Variants in GEMIN6 observed in about 807,000 individuals in gnomAD.
GEMIN6 encodes gem-associated protein 6.
A neutral mutation model predicts 14.1 loss-of-function variants in GEMIN6; 13 were observed. The observed-to-expected ratio is 0.92, with a 90% confidence interval of 0.60 to 1.46. The LOEUF is 1.46. GEMIN6 is among the 40% of genes most tolerant of loss of function. The probability of loss-of-function intolerance (pLI) is 0.00; values close to 1 mark genes in which losing one functional copy is unlikely to be tolerated. For synonymous variants in GEMIN6, 87 were observed against 70.0 expected, an observed-to-expected ratio of 1.24 and a Z score of -1.21; for missense variants, 271 against 202.4, an observed-to-expected ratio of 1.34 and a Z score of -2.06.
At chr2:38,779,311 A>G (rs1437427153) in intron 2 of GEMIN6, 193 bp downstream of exon 2, 2 of 571,122 alleles carry the variant, frequency 3.5e-6, no homozygotes, top group East Asian at 7.9e-5. Context: ...GCTCTTTGTA[A>G]CCTCCACCTC....
chr2:38,780,579 C>G (rs1669057730), intron 2 of GEMIN6, among the ~76,000 whole-genome samples: 1 of 150,904 alleles, frequency 6.6e-6, no homozygotes, highest in African/African-American at 2.4e-5. Flanking sequence ...ACCTTGCAAT[C>G]CACCCACCTG....
intron 2 of GEMIN6, 114 bp from the exon 3 acceptor site, chr2:38,781,403 A>G (rs914292780): frequency 4.6e-6 from 5 of 1,086,196 alleles, no homozygotes; most frequent in Non-Finnish European, 6.7e-6. Flanking sequence ...TTTGTTGAAT[A>G]AATGGAAGCA....
chr2:38,780,310 A>G (rs1205361435), intron 2 of GEMIN6, among the ~76,000 whole-genome samples: 1 of 148,606 alleles, frequency 6.7e-6, no homozygotes, highest in Non-Finnish European at 1.5e-5. Flanking sequence ...ACAGAGCAAG[A>G]CTCCGTCTCA....
At position 38,784,603 on chromosome 2, in the gene GEMIN6, G is replaced by A. The variant is rs1669162922; in HGVS notation, c.*2711G>A. The A allele has an allele frequency of 6.6e-6, 1 of 151,886 alleles. No individual in the cohort carries two copies. The highest frequency in any genetic ancestry group is 2.4e-5 in the African/African-American group (1 of 41,338). 9.4% of individuals were successfully genotyped at this position (151,886 alleles called of 1,614,324 possible). A position where few individuals can be genotyped will look rare whatever the true frequency, so the allele number is the denominator to read the frequency against. On this transcript the variant is annotated 3_prime_UTR_variant, in exon 3 of 3. Coordinates refer to ENST00000281950, the MANE Select transcript of GEMIN6 (RefSeq NM_024775.10). ...GACTTGATCTTGGCTCAGGGACCAG[G>A]CCCGGTGCCTTGATATTGGTAGATT... is the stretch of plus-strand genomic sequence containing the variant.
At chr2:38,779,636 C>CTATATATATATATATATATATATA (rs1171290307) in intron 2 of GEMIN6, among the ~76,000 whole-genome samples, 8 of 36,076 alleles carry the variant, frequency 2.2e-4, no homozygotes, top group South Asian at 1.7e-3. Flanking sequence ...ATTATTCTTA[C>CTATATATATATATATATATATATA]TATATATATA....
At position 38,781,638 on chromosome 2, in the gene GEMIN6, C is replaced by G. The variant is rs756591703; in HGVS notation, c.250C>G (p.His84Asp). 1.9e-5 allele frequency: 31 copies of G among 1,614,170 alleles called. No individual in the cohort carries two copies. Among genetic ancestry groups the G allele is most frequent in the Non-Finnish European group, 2.5e-5 (29 of 1,180,030 alleles). Residue 84 changes from histidine (H) to aspartate (D), a missense_variant, in exon 3 of 3, where the codon CAT becomes GAT. Physicochemically the swap from His to Asp is moderately conservative, Grantham distance 81. Transcript: ENST00000281950. ...CCATAGAGTGAGGGAGAAGCTGATG[C>G]ATTTGTTCACGTCTGGAGACTGCAA... ...GDHRVREKLMHLFTSGDCKAY... is the reference protein window; with the variant it reads ...GDHRVREKLMDLFTSGDCKAY...
chr2:38,778,628 ATT>A (rs1228789756), intron 1 of GEMIN6, among the ~76,000 whole-genome samples: 3 of 152,164 alleles, frequency 2.0e-5, no homozygotes, highest in African/African-American at 7.2e-5. Flanking sequence ...AGTGAAAGCG[ATT>A]TGGAATGTGG....
intron 2 of GEMIN6, among the ~76,000 whole-genome samples, chr2:38,779,664 ATTTTTTTTTT>A (rs1166903482): frequency 2.9e-4 from 6 of 20,776 alleles, no homozygotes; most frequent in African/African-American, 1.1e-3. Context: ...ATATATATAT[ATTTTTTTTTT>A]TTTTTTTTTT....
Position 38,781,545 on chromosome 2 carries a change from G to A in GEMIN6, c.157G>A (p.Gly53Ser). The change falls in exon 3 of 3, where the codon GGC becomes AGC. Residue 53 changes from glycine (G) to serine (S), a missense_variant. Transcript: ENST00000281950. The stretch of plus-strand genomic sequence containing the variant: ...TGTCCTTGTGAACTTCCTTGAAGAT[G>A]GCAGCATGTCTGTGACCGGAATTAT... Reference protein sequence around the residue: ...NIVLVNFLEDGSMSVTGIMGH... With the variant: ...NIVLVNFLEDSSMSVTGIMGH... The A allele has an allele frequency of 9.9e-6, 16 of 1,612,632 alleles. No individual in the cohort carries two copies. The highest frequency in any genetic ancestry group is 1.4e-5 in the Non-Finnish European group (16 of 1,179,116).
chr2:38,778,806 A>G (rs1669009505), intron 1 of GEMIN6, among the ~76,000 whole-genome samples, 166 bp from the exon 2 acceptor site: 2 of 152,224 alleles, frequency 1.3e-5, no homozygotes, highest in African/African-American at 4.8e-5. Context: ...CAACTATAGT[A>G]TCAGTTCCTA....
In GEMIN6 at chr2:38,782,745, C is replaced by T. The variant is rs62144837; in HGVS notation, c.*853C>T. 0.56 allele frequency: 83,166 copies of T among 147,706 alleles called. 24,566 individuals are homozygous for T. The highest frequency in any genetic ancestry group is 0.8 in the East Asian group (3,846 of 4,810). The allele number at this position is 147,706 out of a possible 1,614,324, so 9.1% of individuals were successfully genotyped here. A position where few individuals can be genotyped will look rare whatever the true frequency, so the allele number is the denominator to read the frequency against. The stretch of plus-strand genomic sequence containing the variant: ...CCGGGAGGCAGAGCTTGCAGTGAGC[C>T]GAGATCGCGCCACTGCACTCTAGCC... On this transcript the variant is annotated 3_prime_UTR_variant, in exon 3 of 3. Coordinates refer to ENST00000281950, the MANE Select transcript of GEMIN6 (RefSeq NM_024775.10).
At position 38,783,415 on chromosome 2, in the gene GEMIN6, C is replaced by T. The variant is rs1669133835; in HGVS notation, c.*1523C>T. The T allele has an allele frequency of 6.6e-6, 1 of 151,600 alleles. No homozygotes were observed. Among genetic ancestry groups the T allele is most frequent in the Non-Finnish European group, 1.5e-5 (1 of 68,016 alleles). 9.4% of individuals were successfully genotyped at this position (151,600 alleles called of 1,614,324 possible). ...TGTTGACCAGGCTGGTCTTGAACTC[C>T]TGACCTCATGATCTGCCTGCCGTGG... On this transcript the variant is annotated 3_prime_UTR_variant, in exon 3 of 3. Transcript: ENST00000281950.
intron 2 of GEMIN6, chr2:38,779,535 A>G (rs930769016): frequency 3.3e-5 from 6 of 181,310 alleles, no homozygotes; most frequent in Non-Finnish European, 7.1e-5. Flanking sequence ...CGGCCTACAT[A>G]TGAGAACTTA....
intron 2 of GEMIN6, 81 bp downstream of exon 2, chr2:38,779,199 T>A: frequency 7.4e-7 from 1 of 1,345,792 alleles, no homozygotes; most frequent in Non-Finnish European, 1.0e-6. Context: ...AGAAAGCAGA[T>A]AAATGAAAAG....
At position 38,783,176 on chromosome 2, in the gene GEMIN6, T is replaced by G. The variant is rs192328014; in HGVS notation, c.*1284T>G. 995 of 156,756 alleles carry G rather than the reference T, an allele frequency of 6.3e-3. 10 individuals carry two copies. Among genetic ancestry groups the G allele is most frequent in the African/African-American group, 0.023 (955 of 41,464 alleles). The allele number at this position is 156,756 out of a possible 1,614,324, so 9.7% of individuals were successfully genotyped here. On this transcript the variant is annotated 3_prime_UTR_variant, in exon 3 of 3. Transcript: ENST00000281950. ...TGAGCCACCGTGCCCGGCTGTTTTT[T>G]GTGGGTTTTTTGTTTGTTTGTTTGT... is the stretch of plus-strand genomic sequence containing the variant.
At position 38,781,620 on chromosome 2, in the gene GEMIN6, G is replaced by T; in HGVS notation, c.232G>T (p.Val78Leu). 1.9e-6 allele frequency: 3 copies of T among 1,614,252 alleles called. No individual in the cohort carries two copies. Among genetic ancestry groups the T allele is most frequent in the Non-Finnish European group, 2.5e-6 (3 of 1,180,046 alleles). ...AACTATGAATGAAGGGGACCATAGA[G>T]TGAGGGAGAAGCTGATGCATTTGTT... ...VETMNEGDHRVREKLMHLFTS... is the reference protein window; with the variant it reads ...VETMNEGDHRLREKLMHLFTS... Residue 78 changes from valine (V) to leucine (L), a missense_variant, in exon 3 of 3, where the codon GTG becomes TTG. Coordinates refer to ENST00000281950, the MANE Select transcript of GEMIN6 (RefSeq NM_024775.10).
rs13014136 is a variant in GEMIN6, at chr2:38,783,162, G to T, written c.*1270G>T. ...TGGGATTACAGGTGTGAGCCACCGT[G>T]CCCGGCTGTTTTTTGTGGGTTTTTT... On this transcript the variant is annotated 3_prime_UTR_variant, in exon 3 of 3. Transcript: ENST00000281950. 87,004 of 155,908 alleles carry T rather than the reference G, an allele frequency of 0.56. 25,745 individuals carry two copies. The highest frequency in any genetic ancestry group is 0.8 in the East Asian group (4,243 of 5,290). The allele number at this position is 155,908 out of a possible 1,614,324, so 9.7% of individuals were successfully genotyped here.
In GEMIN6 at chr2:38,779,636, C is replaced by CTA. The variant is rs1171290307; in HGVS notation, c.128+546_128+547dup. Among the ~76,000 whole-genome samples the CTA allele has an allele frequency of 6.0e-3, 216 of 36,074 alleles. 7 individuals carry two copies. Among genetic ancestry groups the CTA allele is most frequent in the African/African-American group, 0.012 (118 of 9,634 alleles). 23.7% of individuals were successfully genotyped at this position (36,074 alleles called of 152,430 possible). A position where few individuals can be genotyped will look rare whatever the true frequency, so the allele number is the denominator to read the frequency against. ...AAATTGGGCATAGAAATTATTCTTA[C>CTA]TATATATATATATATATATATATAT... On this transcript the variant is annotated intron_variant, in intron 2 of 2. Transcript: ENST00000281950.
intron 1 of GEMIN6, 83 bp from the exon 2 acceptor site, chr2:38,778,889 T>A: frequency 8.3e-7 from 1 of 1,209,536 alleles, no homozygotes; most frequent in Non-Finnish European, 1.1e-6. Flanking sequence ...AGATGTTCTC[T>A]GTCTCTAGGA....
Sources: gnomAD v4.1 joint callset for allele counts (sites outside exome capture counted in the v4.1 genomes callset) on GRCh38, gnomAD v4.1.1 for gene constraint, MANE v1.5 for transcripts, NCBI Gene and HGNC (gene_info 2026-07-23, HGNC 2026-07-21) for gene names.